LRP2: variants seen among roughly 807,000 people sequenced by gnomAD.
The protein encoded by LRP2 is low-density lipoprotein receptor-related protein 2.
In LRP2, 172 loss-of-function variants were observed where a neutral mutation model predicts 531.0. That is an observed-to-expected ratio of 0.32 (90% CI 0.29 to 0.37). LRP2 has a LOEUF of 0.37. Ranked by LOEUF, LRP2 falls within the 10% of genes least tolerant of loss-of-function variation. The pLI is 1.00. For missense variants in LRP2, 5,167 were observed against 5,868.3 expected (o/e 0.88, Z 3.90); for synonymous variants, 1,992 against 2,027.6 (o/e 0.98, Z 0.47).
At chr2:169,225,600 C>G in intron 32 of LRP2, 147 bp from the exon 33 acceptor site, 2 of 874,796 alleles carry the variant, frequency 2.3e-6, no homozygotes. Context: ...TTCAGCACCA[C>G]TGGGTAGGCT....
intron 8 of LRP2, among the ~76,000 whole-genome samples, chr2:169,289,451 G>A (rs560080779): frequency 1.3e-5 from 2 of 152,126 alleles, no homozygotes; most frequent in African/African-American, 2.4e-5. Context: ...CAGCACTTTG[G>A]GAGGCCAAGG....
intron 71 of LRP2, among the ~76,000 whole-genome samples, chr2:169,141,113 G>A (rs1225026148): frequency 6.6e-6 from 1 of 152,180 alleles, no homozygotes; most frequent in Non-Finnish European, 1.5e-5. Context: ...CTCCCAGGAT[G>A]TGCCTGATGG....
At position 169,239,718 on chromosome 2, in the gene LRP2, G is replaced by T; in HGVS notation, c.4103C>A (p.Pro1368His). The T allele has an allele frequency of 6.2e-7, 1 of 1,613,992 alleles. No homozygotes were observed. Among genetic ancestry groups the T allele is most frequent in the South Asian group, 1.1e-5 (1 of 91,076 alleles). Residue 1368 changes from proline to histidine, a missense_variant, in exon 26 of 79, where the codon CCC becomes CAC. Pro to His is a moderately conservative substitution (Grantham distance 77). This residue lies in a region of LRP2 where 2,811 missense variants were observed against 3,058.0 expected (regional missense o/e 0.92). Coordinates refer to ENST00000649046, the MANE Select transcript of LRP2 (RefSeq NM_004525.3). ...GGCTHECVQE[P>H]FGAKCLCPLG... Reference sequence around the variant, plus strand: ...TGGACATAGGCATTTAGCCCCAAAGGGCTCTTGAACACACTCGTGAGTACA... The same window carrying T: ...TGGACATAGGCATTTAGCCCCAAAGTGCTCTTGAACACACTCGTGAGTACA...
At chr2:169,242,188 C>CTTT (rs10622620) in intron 24 of LRP2, among the ~76,000 whole-genome samples, 3 of 151,834 alleles carry the variant, frequency 2.0e-5, no homozygotes, top group Non-Finnish European at 2.9e-5. Context: ...TGAAAACTTA[C>CTTT]TTTTTTGGTC....
rs1055863928 is a variant in LRP2, at chr2:169,233,579, G to A, written c.4930C>T (p.His1644Tyr). ...TCAAAGAGAGTTAGGGCATAGGGGT[G>A]CCGTATAATCTGTGAGGCAGAAGAG... is the stretch of plus-strand genomic sequence containing the variant. ...QVIASDLIIRHPYALTLFEDS... is the reference protein window; with the variant it reads ...QVIASDLIIRYPYALTLFEDS... Residue 1644 changes from histidine (H) to tyrosine (Y), a missense_variant, in exon 30 of 79, where the codon CAC (histidine) becomes TAC (tyrosine). Around this residue, in one of 6 missense-constraint regions of LRP2, gnomAD observed 2,811 missense variants for 3,058.0 expected, o/e 0.92. Transcript: ENST00000649046. 6.2e-7 allele frequency: 1 copy of A among 1,614,112 alleles called. No individual in the cohort carries two copies. Among genetic ancestry groups the A allele is most frequent in the Non-Finnish European group, 8.5e-7 (1 of 1,179,976 alleles).
chr2:169,307,379 C>T lies in LRP2; in HGVS notation c.329G>A (p.Ser110Asn). 1 of 1,611,210 alleles carries T rather than the reference C, an allele frequency of 6.2e-7. No individual in the cohort carries two copies. The highest frequency in any genetic ancestry group is 1.1e-5 in the South Asian group (1 of 91,016). The change falls in exon 4 of 79, where the codon AGT (serine) becomes AAT (asparagine). Residue 110 changes from serine (S) to asparagine (N), a missense_variant. Ser to Asn is a conservative substitution (Grantham distance 46). Coordinates refer to ENST00000649046, the MANE Select transcript of LRP2 (RefSeq NM_004525.3). ...ACCATTGGAGCATGTTATCTGATGACTTGAGCATGTACTTTGTGCTGCGAA... is the reference window on the plus strand; with the variant it reads ...ACCATTGGAGCATGTTATCTGATGATTTGAGCATGTACTTTGTGCTGCGAA... ...RQDCSQSTCSSHQITCSNGQC... is the reference protein window; with the variant it reads ...RQDCSQSTCSNHQITCSNGQC...
rs1308277092 is a variant in LRP2, at chr2:169,128,223, G to C, written c.*440C>G. 1 of 179,766 alleles carries C rather than the reference G, an allele frequency of 5.6e-6. No homozygotes were observed. The highest frequency in any genetic ancestry group is 2.4e-5 in the African/African-American group (1 of 41,528). The allele number at this position is 179,766 out of a possible 1,614,324, so 11.1% of individuals were successfully genotyped here. ...GTGTAAAAATGGACCCAAGAGCGGG[G>C]CCTGGATTCCTTTCCTAGATAATTT... On this transcript the variant is annotated 3_prime_UTR_variant, in exon 79 of 79. Coordinates refer to ENST00000649046, the MANE Select transcript of LRP2 (RefSeq NM_004525.3).
At chr2:169,319,598 T>A (rs1684859227) in intron 2 of LRP2, among the ~76,000 whole-genome samples, 1 of 152,228 alleles carries the variant, frequency 6.6e-6, no homozygotes, top group Non-Finnish European at 1.5e-5. Context: ...TGCCCTTGCC[T>A]TTTTGCTTTT....
At chr2:169,340,117 A>G (rs1348158692) in intron 1 of LRP2, among the ~76,000 whole-genome samples, 1 of 152,108 alleles carries the variant, frequency 6.6e-6, no homozygotes, top group Non-Finnish European at 1.5e-5. Context: ...TCTTCATATA[A>G]TAGTTCCTCA....
Position 169,282,792 on chromosome 2 carries a change from T to G in LRP2, c.1171+81A>C, listed in dbSNP as rs144380416. 4.7e-5 allele frequency: 69 copies of G among 1,465,172 alleles called. No homozygotes were observed. In the African/African-American group the frequency reaches 9.4e-4, roughly 20 times the overall value. 90.8% of individuals were successfully genotyped at this position (1,465,172 alleles called of 1,614,324 possible). ...TGCCAACAACAAAAATGCTGATAAT[T>G]CTGTTGTCATCAGAAGGAAGGAAAG... On this transcript the variant is annotated intron_variant, in intron 10 of 78. Coordinates refer to ENST00000649046, the MANE Select transcript of LRP2 (RefSeq NM_004525.3).
At position 169,324,626 on chromosome 2, in the gene LRP2, A is replaced by AG. The variant is rs1322865864; in HGVS notation, c.80-3743dup. 5.7e-5 allele frequency among the ~76,000 whole-genome samples: 7 copies of AG among 122,918 alleles called. 1 individual carries two copies. The South Asian group carries it at 1.7e-3, about 29-fold the overall frequency. 80.6% of individuals were successfully genotyped at this position (122,918 alleles called of 152,430 possible). Reference sequence around the variant, plus strand: ...CCAACCTCATAAAGAGCCCAAAGCTAGGGGAAAAAAAAAAAAAAAGAGTAA... The same window carrying AG: ...CCAACCTCATAAAGAGCCCAAAGCTAGGGGGAAAAAAAAAAAAAAAGAGTAA... On this transcript the variant is annotated intron_variant, in intron 1 of 78. Transcript: ENST00000649046.
intron 3 of LRP2, among the ~76,000 whole-genome samples, chr2:169,316,791 G>A (rs758975178): frequency 3.3e-5 from 5 of 152,026 alleles, no homozygotes; most frequent in African/African-American, 4.8e-5. Context: ...AGCTGCTCAG[G>A]GCAGGGCTCT....
intron 3 of LRP2, 50 bp downstream of exon 3, chr2:169,318,712 G>C (rs774415336): frequency 1.2e-6 from 2 of 1,613,294 alleles, no homozygotes; most frequent in East Asian, 2.2e-5. Flanking sequence ...CGACAGGTTG[G>C]GTTTTAGGTG....
rs1559082560 is a variant in LRP2 at position 169,338,364 on chromosome 2, GAAAGAAA to G, written c.80-17487_80-17481del. Among the ~76,000 whole-genome samples, 26 of 82,806 alleles carry G rather than the reference GAAAGAAA, an allele frequency of 3.1e-4. 1 individual carries two copies. The highest frequency in any genetic ancestry group is 1.3e-3 in the African/African-American group (25 of 18,854). The allele number at this position is 82,806 out of a possible 152,430, so 54.3% of individuals were successfully genotyped here. A position where few individuals can be genotyped will look rare whatever the true frequency, so the allele number is the denominator to read the frequency against. ...AGAAAGAAGGAAAGAAAGAAGGAAA[GAAAGAAA>G]GAAAGAAAGAAAGAAAGAAAGAAAG... is the stretch of plus-strand genomic sequence containing the variant. On this transcript the variant is annotated intron_variant, in intron 1 of 78. Transcript: ENST00000649046.
intron 38 of LRP2, among the ~76,000 whole-genome samples, chr2:169,208,700 G>C (rs1480525809): frequency 6.6e-6 from 1 of 151,976 alleles, no homozygotes; most frequent in Non-Finnish European, 1.5e-5. Flanking sequence ...CAGGTGATCC[G>C]CCTGCCTCAG....
chr2:169,184,912 C>T (rs1687577866), intron 50 of LRP2, among the ~76,000 whole-genome samples: 1 of 152,128 alleles, frequency 6.6e-6, no homozygotes, highest in African/African-American at 2.4e-5. Context: ...AGACGAACAC[C>T]ACCTTTCCTG....
At chr2:169,132,743 T>C in intron 76 of LRP2, 62 bp from the exon 77 acceptor site, 1 of 852,410 alleles carries the variant, frequency 1.2e-6, no homozygotes, top group Non-Finnish European at 2.1e-6. Flanking sequence ...ATAAATTTGC[T>C]GTAAAGTTTG....
At chr2:169,297,767 T>C (rs2673162) in intron 4 of LRP2, among the ~76,000 whole-genome samples, 131,287 of 152,100 alleles carry the variant, frequency 0.86, 57,639 homozygotes, top group Middle Eastern at 0.95. Flanking sequence ...AGTTTGAAGA[T>C]CTTGTAGACC....
At chr2:169,225,538 G>T in intron 32 of LRP2, 85 bp from the exon 33 acceptor site, 1 of 1,478,302 alleles carries the variant, frequency 6.8e-7, no homozygotes, top group Non-Finnish European at 9.4e-7. Flanking sequence ...GCTACTGCCA[G>T]CTGCTGTATT....
Sources: gnomAD v4.1 joint callset for allele counts (sites outside exome capture counted in the v4.1 genomes callset) on GRCh38, gnomAD v4.1.1 for gene constraint, gnomAD v4.1.1 regional missense constraint, MANE v1.5 for transcripts, NCBI Gene and HGNC (gene_info 2026-07-23, HGNC 2026-07-21) for gene names.